PLEKHA6: variants seen among roughly 807,000 people sequenced by gnomAD.
PLEKHA6 encodes pleckstrin homology domain-containing family A member 6.
Under a neutral mutation model 116.7 loss-of-function variants are expected in PLEKHA6, and 60 were observed. The observed-to-expected ratio is 0.51, with a 90% CI of 0.42 to 0.64. The LOEUF (loss-of-function observed/expected upper bound fraction) is 0.64. PLEKHA6 is among the 30% of genes least tolerant of loss of function. The pLI, the probability that PLEKHA6 is intolerant of heterozygous loss-of-function variation, is 0.00. For synonymous variants in PLEKHA6, 489 were observed against 556.1 expected (o/e 0.88, Z 1.70); for missense variants, 1,338 against 1,422.7 (o/e 0.94, Z 0.96).
At position 204,238,202 on chromosome 1, in the gene PLEKHA6, G is replaced by T. The variant is rs1331953445; in HGVS notation, c.2409+3173C>A. 6.6e-6 allele frequency among the ~76,000 whole-genome samples: 1 copy of T among 152,156 alleles called. No homozygotes were observed. Among genetic ancestry groups the T allele is most frequent in the Non-Finnish European group, 1.5e-5 (1 of 68,020 alleles). On this transcript the variant is annotated intron_variant, in intron 17 of 22. Coordinates refer to ENST00000272203, the MANE Select transcript of PLEKHA6 (RefSeq NM_014935.5). This position sits in a 1 kb window ranked among gnomAD's most constrained non-coding sequence, Gnocchi z 4.2. ...CAGAATGGGAAAAGGCTCTGCAACA[G>T]GTCCAGGCTGCTGTGCAAGCTGCTG...
intron 3 of PLEKHA6, among the ~76,000 whole-genome samples, chr1:204,269,937 T>C (rs1327987856): frequency 6.6e-6 from 1 of 152,188 alleles, no homozygotes; most frequent in African/African-American, 2.4e-5. Context: ...CCCCCTTCAA[T>C]ACACCCAATG....
chr1:204,280,388 C>T (rs893031031), intron 1 of PLEKHA6: 4 of 985,322 alleles, frequency 4.1e-6, no homozygotes, highest in Non-Finnish European at 4.8e-6. Context: ...TGCCCAGAAC[C>T]CCACTGTGAT....
chr1:204,336,104 C>A (rs1672638035), intron 1 of PLEKHA6, among the ~76,000 whole-genome samples: 1 of 152,280 alleles, frequency 6.6e-6, no homozygotes, highest in South Asian at 2.1e-4. Context: ...CCCAACCACA[C>A]CCACTGAGCC....
chr1:204,273,681 T>G lies in PLEKHA6; in HGVS notation c.47A>C (p.Asp16Ala). 6.2e-7 allele frequency: 1 copy of G among 1,614,210 alleles called. No homozygotes were observed. Among genetic ancestry groups the G allele is most frequent in the Non-Finnish European group, 8.5e-7 (1 of 1,180,028 alleles). The change falls in exon 3 of 23, where the codon GAC becomes GCC. Residue 16 changes from aspartate to alanine, a missense_variant. Asp to Ala is a moderately radical substitution (Grantham distance 126). Transcript: ENST00000272203. ...GGACACCATGTTGTGGTTGGGTATG[T>G]CACTGTTGGTGGTAGCCGGGCGTTT... ...GGKRPATTNSDIPNHNMVSEV... is the reference protein window; with the variant it reads ...GGKRPATTNSAIPNHNMVSEV...
At chr1:204,323,655 AG>A (rs1427759060) in intron 1 of PLEKHA6, among the ~76,000 whole-genome samples, 1 of 152,250 alleles carries the variant, frequency 6.6e-6, no homozygotes, top group East Asian at 1.9e-4. Context: ...GGTGCATAAT[AG>A]GTGCTCAGTA....
chr1:204,335,142 G>A (rs551523639), intron 1 of PLEKHA6, among the ~76,000 whole-genome samples: 3 of 152,038 alleles, frequency 2.0e-5, no homozygotes, highest in East Asian at 1.9e-4. Context: ...AACAGACAGC[G>A]GCACTTTCCC....
At chr1:204,309,598 T>C (rs979388465) in intron 1 of PLEKHA6, 9 of 266,660 alleles carry the variant, frequency 3.4e-5, no homozygotes, top group African/African-American at 1.6e-4. Flanking sequence ...GTACGTACAC[T>C]GTCATGTTCG....
chr1:204,305,743 T>C (rs1671236804), intron 1 of PLEKHA6, among the ~76,000 whole-genome samples: 1 of 152,154 alleles, frequency 6.6e-6, no homozygotes, highest in Non-Finnish European at 1.5e-5. Context: ...AAGTAGGTGG[T>C]GACATAAATA....
At chr1:204,243,317 AG>A in intron 15 of PLEKHA6, 1 of 399,738 alleles carries the variant, frequency 2.5e-6, no homozygotes, top group Non-Finnish European at 4.4e-6. Context: ...CCACTGTGAG[AG>A]CAGGAGAAAA....
chr1:204,366,083 T>C (rs975406891), intron 3 of PLEKHA6, among the ~76,000 whole-genome samples: 2 of 152,214 alleles, frequency 1.3e-5, no homozygotes, highest in Non-Finnish European at 2.9e-5. Flanking sequence ...CAGCCAGTCA[T>C]GGGACACGAG....
chr1:204,290,804 A>T, intron 1 of PLEKHA6, among the ~76,000 whole-genome samples: 1 of 152,132 alleles, frequency 6.6e-6, no homozygotes, highest in East Asian at 1.9e-4. Flanking sequence ...AGCCTGGCCA[A>T]CATGGTGAAA....
chr1:204,363,320 C>G (rs958011161), upstream of PLEKHA6, among the ~76,000 whole-genome samples: 8 of 152,254 alleles, frequency 5.3e-5, no homozygotes, highest in East Asian at 1.9e-4. Flanking sequence ...CCTCAAGAAG[C>G]GCTGAGCAGC....
chr1:204,220,118 T>C lies in PLEKHA6; in HGVS notation c.*2670A>G, dbSNP rs1659497309. On this transcript the variant is annotated 3_prime_UTR_variant, in exon 23 of 23. Transcript: ENST00000272203. ...CGCCTCCTCTGGGCTTCGCACCGTC[T>C]CGTACACTGACATCCTTAGTGCTGT... is the stretch of plus-strand genomic sequence containing the variant. 6.6e-6 allele frequency: 1 copy of C among 152,218 alleles called. No individual in the cohort carries two copies. Among genetic ancestry groups the C allele is most frequent in the African/African-American group, 2.4e-5 (1 of 41,458 alleles). 9.4% of individuals were successfully genotyped at this position (152,218 alleles called of 1,614,324 possible). A position where few individuals can be genotyped will look rare whatever the true frequency, so the allele number is the denominator to read the frequency against.
upstream of PLEKHA6, among the ~76,000 whole-genome samples, chr1:204,362,457 C>A (rs187764013): frequency 1.1e-3 from 160 of 152,280 alleles, no homozygotes; most frequent in African/African-American, 3.6e-3. Context: ...TCCTCCCCAC[C>A]TTTCTGGTGC....
intron 1 of PLEKHA6, among the ~76,000 whole-genome samples, chr1:204,318,775 T>C (rs1297007746): frequency 6.6e-6 from 1 of 152,206 alleles, no homozygotes; most frequent in African/African-American, 2.4e-5. Context: ...CCTGACCAGA[T>C]GACATTACAT....
chr1:204,232,910 CT>C (rs2102460120), intron 17 of PLEKHA6, among the ~76,000 whole-genome samples: 1 of 152,232 alleles, frequency 6.6e-6, no homozygotes, highest in Admixed American at 6.5e-5. Context: ...CCCTTTGTTC[CT>C]TCCAATTTCT....
chr1:204,235,320 G>A (rs1235481258), intron 17 of PLEKHA6, among the ~76,000 whole-genome samples: 1 of 152,106 alleles, frequency 6.6e-6, no homozygotes, highest in Admixed American at 6.5e-5. Context: ...GAGGCAAGGA[G>A]TTTAGTGACT....
intron 1 of PLEKHA6, among the ~76,000 whole-genome samples, chr1:204,321,184 G>T (rs540736854): frequency 6.6e-6 from 1 of 152,066 alleles, no homozygotes; most frequent in Non-Finnish European, 1.5e-5. Context: ...CACCACTCAG[G>T]GGAAGCCAAA....
At chr1:204,248,053 T>A (rs1663998937) in intron 12 of PLEKHA6, among the ~76,000 whole-genome samples, 1 of 152,164 alleles carries the variant, frequency 6.6e-6, no homozygotes, top group South Asian at 2.1e-4. Flanking sequence ...CGAGCCACAC[T>A]TTCACGGGGC....
Sources: allele counts gnomAD v4.1 joint callset (sites outside exome capture counted in the v4.1 genomes callset), GRCh38; gene constraint gnomAD v4.1.1; non-coding constraint Gnocchi (gnomAD v3.1); transcripts MANE v1.5; gene names NCBI Gene and HGNC (gene_info 2026-07-23, HGNC 2026-07-21).